Variants in GNB1L observed in about 807,000 individuals in gnomAD.
GNB1L encodes guanine nucleotide-binding protein subunit beta-like protein 1.
Under a neutral mutation model 29.1 loss-of-function variants are expected in GNB1L, and 20 were observed. The observed-to-expected ratio is 0.69, with a 90% confidence interval of 0.48 to 1.00. The LOEUF (loss-of-function observed/expected upper bound fraction) is 1.00. Among genes scored for constraint, GNB1L ranks in the 50% least tolerant of loss-of-function variants. The pLI is 0.00. For missense variants in GNB1L, 421 were observed against 464.9 expected, an observed-to-expected ratio of 0.91 and a Z score of 0.87; for synonymous variants, 193 against 206.5, an observed-to-expected ratio of 0.93 and a Z score of 0.56.
chr22:19,847,866 T>C (rs945608676), intron 2 of GNB1L: 51 of 956,566 alleles, frequency 5.3e-5, no homozygotes, highest in East Asian at 1.1e-4. Flanking sequence ...AATTGTAACA[T>C]TGAAATCTTT....
In GNB1L at chr22:19,835,332, G is replaced by A. The variant is rs145093359; in HGVS notation, c.-20-13957C>T. ...CAAATGCACATGGAGCACTCATCAA[G>A]ATAGGCCATATCCTGGGTCATAAAA... On this transcript the variant is annotated intron_variant, in intron 2 of 7. Transcript: ENST00000329517. Among the ~76,000 whole-genome samples the A allele has an allele frequency of 1.6e-3, 232 of 147,208 alleles. 1 individual carries two copies. The highest frequency in any genetic ancestry group is 5.5e-3 in the African/African-American group (221 of 39,834).
intron 2 of GNB1L, chr22:19,848,956 A>C: frequency 6.1e-6 from 6 of 985,524 alleles, no homozygotes; most frequent in Non-Finnish European, 6.0e-6. Flanking sequence ...CTACTGCCAG[A>C]CCCACAGGTG....
chr22:19,845,196 C>T (rs1937934800), intron 2 of GNB1L, among the ~76,000 whole-genome samples: 1 of 152,224 alleles, frequency 6.6e-6, no homozygotes, highest in Non-Finnish European at 1.5e-5. Context: ...TCCCGACCAC[C>T]CAGCTGCATG....
rs548484583 is a variant in GNB1L, at chr22:19,786,376, G to A, written c.*2333C>T. Reference sequence around the variant, plus strand: ...TGCTTGTGCCTTTGACTGAAAGCACGAGGGCCAGGGGCCAACTCAGGGTCT... The same window carrying A: ...TGCTTGTGCCTTTGACTGAAAGCACAAGGGCCAGGGGCCAACTCAGGGTCT... On this transcript the variant is annotated 3_prime_UTR_variant, in exon 8 of 8. Transcript: ENST00000329517. 5.9e-5 allele frequency: 9 copies of A among 152,400 alleles called. No homozygotes were observed. The South Asian group carries it at 1.2e-3, about 21-fold the overall frequency. The allele number at this position is 152,400 out of a possible 1,614,324, so 9.4% of individuals were successfully genotyped here. A position where few individuals can be genotyped will look rare whatever the true frequency, so the allele number is the denominator to read the frequency against.
At chr22:19,841,145 T>C (rs925350331) in intron 2 of GNB1L, among the ~76,000 whole-genome samples, 12 of 152,176 alleles carry the variant, frequency 7.9e-5, no homozygotes, top group African/African-American at 2.2e-4. Flanking sequence ...TCACTAACAA[T>C]GCATCAATCC....
chr22:19,799,857 A>G (rs1601322752), intron 7 of GNB1L, among the ~76,000 whole-genome samples: 1 of 152,208 alleles, frequency 6.6e-6, no homozygotes, highest in East Asian at 1.9e-4. Flanking sequence ...CAGAACCTGC[A>G]ATCTCCAGGG....
intron 2 of GNB1L, among the ~76,000 whole-genome samples, chr22:19,835,146 GA>G (rs1937741763): frequency 6.6e-6 from 1 of 152,110 alleles, no homozygotes; most frequent in Non-Finnish European, 1.5e-5. Flanking sequence ...AGTAGAAATA[GA>G]TAACTACATA....
chr22:19,800,820 T>C (rs996573293), intron 7 of GNB1L, among the ~76,000 whole-genome samples: 1 of 152,174 alleles, frequency 6.6e-6, no homozygotes, highest in African/African-American at 2.4e-5. Flanking sequence ...CCTCTGTGTA[T>C]CCTAGTCTCA....
chr22:19,793,953 A>G (rs371560770), intron 7 of GNB1L, among the ~76,000 whole-genome samples: 1 of 152,188 alleles, frequency 6.6e-6, no homozygotes, highest in East Asian at 1.9e-4. Flanking sequence ...TAAATGTAAC[A>G]TGTTATGTTT....
intron 2 of GNB1L, chr22:19,846,838 G>A (rs1937973045): frequency 1.2e-6 from 1 of 844,472 alleles, no homozygotes; most frequent in Non-Finnish European, 1.4e-6. Flanking sequence ...CAGGCTTCTA[G>A]CTCCAGAATC....
intron 6 of GNB1L, among the ~76,000 whole-genome samples, chr22:19,802,809 G>A (rs772731889): frequency 5.3e-5 from 8 of 152,224 alleles, no homozygotes; most frequent in South Asian, 4.1e-4. Context: ...GGCGTGAGCC[G>A]CCCGAGCTCT....
At chr22:19,836,808 G>A (rs1937771679) in intron 2 of GNB1L, among the ~76,000 whole-genome samples, 1 of 151,954 alleles carries the variant, frequency 6.6e-6, no homozygotes, top group Non-Finnish European at 1.5e-5. Context: ...TAACACTAAA[G>A]AAAAACCACA....
chr22:19,812,409 G>T lies in GNB1L; in HGVS notation c.293C>A (p.Ala98Glu). The change falls in exon 5 of 8, where the codon GCG becomes GAG. Residue 98 changes from alanine (A) to glutamate (E), a missense_variant. By Grantham distance (107) the Ala-to-Glu change is moderately radical. Coordinates refer to ENST00000329517, the MANE Select transcript of GNB1L (RefSeq NM_053004.3). The stretch of plus-strand genomic sequence containing the variant: ...GTCCACGACAGCGCTCCTGCCCTCC[G>T]CGAGGTCCCACAGGCACAGCTTCAG... The part of the protein sequence containing the change: ...RDLKLCLWDL[A>E]EGRSAVVDSV... The T allele has an allele frequency of 6.2e-7, 1 of 1,613,288 alleles. No individual in the cohort carries two copies. Among genetic ancestry groups the T allele is most frequent in the Non-Finnish European group, 8.5e-7 (1 of 1,179,826 alleles).
chr22:19,801,861 C>T, intron 7 of GNB1L, 140 bp downstream of exon 7: 1 of 717,292 alleles, frequency 1.4e-6, no homozygotes, highest in Non-Finnish European at 2.3e-6. Flanking sequence ...CAGCCATGGA[C>T]AGCCCCCCTG....
chr22:19,827,980 C>G (rs930460448), intron 2 of GNB1L, among the ~76,000 whole-genome samples: 1 of 152,178 alleles, frequency 6.6e-6, no homozygotes, highest in African/African-American at 2.4e-5. Context: ...ATAGAATACT[C>G]CACAGAACTG....
At chr22:19,846,653 T>C in intron 2 of GNB1L, 2 of 740,928 alleles carry the variant, frequency 2.7e-6, no homozygotes, top group Non-Finnish European at 3.3e-6. Flanking sequence ...ACAGGGTCTT[T>C]AAAGAGGTAA....
chr22:19,788,014 C>CCTT lies in GNB1L; in HGVS notation c.*692_*694dup, dbSNP rs1937206524. 6.4e-6 allele frequency: 1 copy of CCTT among 155,640 alleles called. No homozygotes were observed. Among genetic ancestry groups the CCTT allele is most frequent in the African/African-American group, 2.4e-5 (1 of 41,486 alleles). 9.6% of individuals were successfully genotyped at this position (155,640 alleles called of 1,614,324 possible). A position where few individuals can be genotyped will look rare whatever the true frequency, so the allele number is the denominator to read the frequency against. On this transcript the variant is annotated 3_prime_UTR_variant, in exon 8 of 8. Coordinates refer to ENST00000329517, the MANE Select transcript of GNB1L (RefSeq NM_053004.3). ...CTCACCTGGAGGTGCACCCTGTGCG[C>CCTT]CTTCCCCACTGCACCCTCTGCGGGC...
chr22:19,851,968 C>A (rs1284857714), intron 2 of GNB1L: 6 of 1,614,020 alleles, frequency 3.7e-6, no homozygotes, highest in Middle Eastern at 1.6e-4. Flanking sequence ...AGCCTGGTAC[C>A]CAGCAGAAGT....
intron 2 of GNB1L, among the ~76,000 whole-genome samples, chr22:19,843,253 A>G (rs1245419657): frequency 6.6e-6 from 1 of 152,264 alleles, no homozygotes; most frequent in Non-Finnish European, 1.5e-5. Context: ...AATCAGAAAT[A>G]GTATCACGGC....
Sources: allele counts gnomAD v4.1 joint callset (sites outside exome capture counted in the v4.1 genomes callset), GRCh38; gene constraint gnomAD v4.1.1; transcripts MANE v1.5; gene names NCBI Gene and HGNC (gene_info 2026-07-23, HGNC 2026-07-21).